Variants in ANKRD17 observed in about 807,000 individuals in gnomAD.
The protein encoded by ANKRD17 is ankyrin repeat domain 17, also known as ankyrin repeat domain-containing protein 17.
ANKRD17 carries 19 observed loss-of-function variants against 229.7 expected under a neutral mutation model. The ratio of observed to expected loss-of-function variants is 0.08; its 90% CI spans 0.06 to 0.12. The LOEUF is 0.12. Among genes scored for constraint, ANKRD17 ranks in the 10% least tolerant of loss-of-function variants. ANKRD17 has a pLI of 1.00. For synonymous variants in ANKRD17, 1,112 were observed against 1,146.1 expected (o/e 0.97, Z 0.60); for missense variants, 2,176 against 3,176.8 (o/e 0.68, Z 7.57).
chr4:73,158,152 A>AAAAGAGAG (rs1553925351), intron 3 of ANKRD17, among the ~76,000 whole-genome samples: 11 of 128,708 alleles, frequency 8.5e-5, no homozygotes, highest in Non-Finnish European at 1.6e-4. Context: ...GAAAGGAAGA[A>AAAAGAGAG]AAAGAAAGAA....
chr4:73,078,617 T>C, intron 31 of ANKRD17, 25 bp downstream of exon 31: 1 of 1,600,986 alleles, frequency 6.2e-7, no homozygotes, highest in Non-Finnish European at 8.5e-7. Flanking sequence ...AGTTAATTTC[T>C]AGAGAGCAGG....
chr4:73,198,051 A>C (rs1578360977), intron 1 of ANKRD17, among the ~76,000 whole-genome samples: 1 of 152,192 alleles, frequency 6.6e-6, no homozygotes, highest in Non-Finnish European at 1.5e-5. Flanking sequence ...CTAACTTTAG[A>C]GTCTCCATAC....
At position 73,148,805 on chromosome 4, in the gene ANKRD17, A is replaced by G; in HGVS notation, c.1567+8T>C. On this transcript the variant is annotated splice_region_variant and intron_variant, in intron 8 of 33. Coordinates refer to ENST00000358602, the MANE Select transcript of ANKRD17 (RefSeq NM_032217.5). ...TTTATACTTTAGTGTCTTGATAGAT[A>G]CGGTTACCTTGACCAAGAAGTAATG... The G allele has an allele frequency of 6.2e-7, 1 of 1,608,428 alleles. No homozygotes were observed. The highest frequency in any genetic ancestry group is 1.1e-5 in the South Asian group (1 of 90,944).
intron 6 of ANKRD17, among the ~76,000 whole-genome samples, chr4:73,152,597 C>T (rs1484920894): frequency 6.6e-6 from 1 of 152,110 alleles, no homozygotes; most frequent in South Asian, 2.1e-4. Flanking sequence ...CCTCAGATCC[C>T]CCTTTTGGAT....
intron 1 of ANKRD17, among the ~76,000 whole-genome samples, chr4:73,250,690 TG>T (rs1438315780): frequency 1.4e-5 from 2 of 148,002 alleles, no homozygotes; most frequent in African/African-American, 2.5e-5. Flanking sequence ...TAACGGTTTT[TG>T]TTGTTGTTGT....
chr4:73,080,219 C>A (rs1721425453), intron 30 of ANKRD17, among the ~76,000 whole-genome samples: 1 of 151,862 alleles, frequency 6.6e-6, no homozygotes, highest in South Asian at 2.1e-4. Context: ...GCAGATTCAA[C>A]AGAACTGCAG....
intron 15 of ANKRD17, among the ~76,000 whole-genome samples, chr4:73,138,035 C>T (rs939940745): frequency 2.0e-5 from 3 of 152,002 alleles, no homozygotes; most frequent in East Asian, 1.9e-4. Flanking sequence ...AAAGTGGATA[C>T]GTAATATTTA....
chr4:73,172,611 A>G (rs1734189478), intron 2 of ANKRD17, among the ~76,000 whole-genome samples: 2 of 152,216 alleles, frequency 1.3e-5, no homozygotes, highest in Non-Finnish European at 1.5e-5. Context: ...TTTTCAAGAC[A>G]TATGCAGCAC....
At chr4:73,124,595 T>C (rs949071603) in intron 18 of ANKRD17, among the ~76,000 whole-genome samples, 2 of 152,204 alleles carry the variant, frequency 1.3e-5, no homozygotes, top group Non-Finnish European at 2.9e-5. Context: ...CCATGTACTA[T>C]AGGGCAGGCA....
intron 18 of ANKRD17, among the ~76,000 whole-genome samples, chr4:73,122,199 A>G (rs1726831974): frequency 6.6e-6 from 1 of 152,170 alleles, no homozygotes; most frequent in Non-Finnish European, 1.5e-5. Flanking sequence ...AAGATTATGA[A>G]AATTTTCTAA....
intron 1 of ANKRD17, among the ~76,000 whole-genome samples, chr4:73,195,874 G>A (rs1737797168): frequency 6.6e-6 from 1 of 152,048 alleles, no homozygotes; most frequent in Non-Finnish European, 1.5e-5. Flanking sequence ...GCCTTTTAGT[G>A]TATATGGGTG....
At chr4:73,211,233 C>A (rs1460996040) in intron 1 of ANKRD17, among the ~76,000 whole-genome samples, 4 of 151,272 alleles carry the variant, frequency 2.6e-5, no homozygotes, top group Admixed American at 6.6e-5. Context: ...GGTGGGAAAA[C>A]CCTAGAGAAG....
At chr4:73,138,413 T>TA (rs1419192137) in intron 15 of ANKRD17, among the ~76,000 whole-genome samples, 16 of 152,270 alleles carry the variant, frequency 1.1e-4, no homozygotes, top group Non-Finnish European at 1.8e-4. Flanking sequence ...TTTTTAAGTA[T>TA]AAAATCTATC....
chr4:73,091,403 G>A lies in ANKRD17; in HGVS notation c.6225C>T (p.Ser2075=), dbSNP rs774856493. The A allele has an allele frequency of 2.0e-5, 33 of 1,613,980 alleles. No homozygotes were observed. In the Admixed American group the frequency reaches 2.3e-4, roughly 11 times the overall value. The change falls in exon 29 of 34, where the codon TCC becomes TCT. Residue 2075 remains serine (S), a synonymous_variant. Coordinates refer to ENST00000358602, the MANE Select transcript of ANKRD17 (RefSeq NM_032217.5). Reference sequence around the variant, plus strand: ...CTGGTGGACTACCTGCTTCCTGTTCGGAGGAAGATGCCACTTTATTTGGAG... The same window carrying A: ...CTGGTGGACTACCTGCTTCCTGTTCAGAGGAAGATGCCACTTTATTTGGAG... ...SASPNKVASS[S]EQEAGSPPVV...
intron 18 of ANKRD17, among the ~76,000 whole-genome samples, chr4:73,124,496 A>G (rs1246423733): frequency 6.6e-6 from 1 of 152,160 alleles, no homozygotes; most frequent in Non-Finnish European, 1.5e-5. Context: ...GCAAGACAAG[A>G]GTTCTCAAAA....
rs1302707033 is a variant in ANKRD17 at position 73,144,667 on chromosome 4, A to T, written c.1957+78T>A. On this transcript the variant is annotated intron_variant, in intron 11 of 33. Coordinates refer to ENST00000358602, the MANE Select transcript of ANKRD17 (RefSeq NM_032217.5). ...TATGATACCCTCTTGCCTTCAAAAG[A>T]CCTTTACCCTTAAATCTCTAAATGA... The T allele has an allele frequency of 4.3e-6, 4 of 932,224 alleles. No homozygotes were observed. The African/African-American group carries it at 6.8e-5, about 16-fold the overall frequency. The allele number at this position is 932,224 out of a possible 1,614,324, so 57.7% of individuals were successfully genotyped here.
chr4:73,176,900 ATG>A (rs1734806322), intron 2 of ANKRD17, among the ~76,000 whole-genome samples: 1 of 152,190 alleles, frequency 6.6e-6, no homozygotes, highest in Non-Finnish European at 1.5e-5. Flanking sequence ...AATCACAAAA[ATG>A]TGTAAAACCT....
At chr4:73,103,463 T>C (rs997770019) in intron 24 of ANKRD17, among the ~76,000 whole-genome samples, 1 of 152,176 alleles carries the variant, frequency 6.6e-6, no homozygotes, top group Non-Finnish European at 1.5e-5. Context: ...GTCAAAAAAC[T>C]AACTGTAGGT....
chr4:73,169,470 A>AG (rs2148954177), intron 2 of ANKRD17, among the ~76,000 whole-genome samples: 1 of 152,132 alleles, frequency 6.6e-6, no homozygotes, highest in African/African-American at 2.4e-5. Context: ...GCCACCCTGA[A>AG]GGGAAAAAAA....
Sources: allele counts gnomAD v4.1 joint callset (sites outside exome capture counted in the v4.1 genomes callset), GRCh38; gene constraint gnomAD v4.1.1; transcripts MANE v1.5; gene names NCBI Gene and HGNC (gene_info 2026-07-23, HGNC 2026-07-21).